The following ZNF438 variants were observed in gnomAD, a reference collection of about 807,000 sequenced individuals.
ZNF438 encodes zinc finger protein 438.
ZNF438 carries 25 observed loss-of-function variants against 38.0 expected under a neutral mutation model. The ratio of observed to expected loss-of-function variants is 0.66; its 90% CI spans 0.48 to 0.92. The LOEUF (loss-of-function observed/expected upper bound fraction) is 0.92, where lower values mean the gene tolerates loss of function less well. Ranked by LOEUF, ZNF438 falls within the 40% of genes least tolerant of loss-of-function variation. The pLI is 0.00. For synonymous variants in ZNF438, 372 were observed against 364.1 expected (o/e 1.02, Z -0.25); for missense variants, 1,007 against 999.6 (o/e 1.01, Z -0.10).
At chr10:30,928,476 A>G (rs1212214313) in intron 2 of ZNF438, among the ~76,000 whole-genome samples, 1 of 152,038 alleles carries the variant, frequency 6.6e-6, no homozygotes, top group Non-Finnish European at 1.5e-5. Flanking sequence ...CCAGTGGTAC[A>G]CTTATTTATA....
intron 1 of ZNF438, among the ~76,000 whole-genome samples, chr10:30,990,947 C>A (rs2053424826): frequency 6.6e-6 from 1 of 151,170 alleles, no homozygotes; most frequent in African/African-American, 2.4e-5. Context: ...CCAACAAAAA[C>A]AATTTAACTG....
At chr10:30,932,437 T>C (rs529790246) in intron 2 of ZNF438, among the ~76,000 whole-genome samples, 1 of 152,238 alleles carries the variant, frequency 6.6e-6, no homozygotes, top group South Asian at 2.1e-4. Flanking sequence ...TGCCAGGCAA[T>C]GTACTAAGTG....
At chr10:30,980,716 A>G (rs1422744662) in intron 1 of ZNF438, among the ~76,000 whole-genome samples, 1 of 152,218 alleles carries the variant, frequency 6.6e-6, no homozygotes, top group East Asian at 1.9e-4. Context: ...ATGGGATCAT[A>G]TGAGATCGTG....
intron 4 of ZNF438, among the ~76,000 whole-genome samples, chr10:30,865,975 C>T (rs1003480257): frequency 1.3e-5 from 2 of 152,264 alleles, no homozygotes; most frequent in African/African-American, 4.8e-5. Flanking sequence ...TGCCTTGTGT[C>T]GACATTTGCA....
At chr10:30,919,501 G>A (rs1308571070) in intron 2 of ZNF438, 1 of 152,170 alleles carries the variant, frequency 6.6e-6, no homozygotes, top group Non-Finnish European at 1.5e-5. Flanking sequence ...GGCCAGCGCT[G>A]AACCTACTTC....
chr10:30,894,160 GTTTA>G (rs1428761435), intron 3 of ZNF438, among the ~76,000 whole-genome samples: 1 of 152,142 alleles, frequency 6.6e-6, no homozygotes, highest in African/African-American at 2.4e-5. Flanking sequence ...TGTTACAGGG[GTTTA>G]TTTAAGAAGT....
In ZNF438 at chr10:30,845,304, G is replaced by C. The variant is rs1588698824; in HGVS notation, c.2144C>G (p.Ser715Cys). Residue 715 changes from serine (S) to cysteine (C), a missense_variant, in exon 6 of 6, where the codon TCC (serine) becomes TGC (cysteine). By Grantham distance (112) the Ser-to-Cys change is moderately radical. Coordinates refer to ENST00000413025, the Ensembl canonical transcript of ZNF438. The stretch of plus-strand genomic sequence containing the variant: ...ACATGCATGTGATTCCTCGGAGGAG[G>C]AATGAACCTTCTCCGGCTTCCCTCT... 1.9e-6 allele frequency: 3 copies of C among 1,614,116 alleles called. No homozygotes were observed. The East Asian group carries it at 6.7e-5, about 36-fold the overall frequency.
chr10:30,983,072 C>A (rs1200970888), intron 1 of ZNF438, among the ~76,000 whole-genome samples: 1 of 152,098 alleles, frequency 6.6e-6, no homozygotes, highest in Non-Finnish European at 1.5e-5. Flanking sequence ...CTAAACAATA[C>A]ACTAAAGAAA....
At chr10:30,914,216 A>G (rs1024234356) in intron 2 of ZNF438, among the ~76,000 whole-genome samples, 2 of 152,130 alleles carry the variant, frequency 1.3e-5, no homozygotes, top group Non-Finnish European at 2.9e-5. Context: ...TTAAATCAAA[A>G]AAGTTAAATC....
chr10:31,006,359 T>C (rs2132949862), intron 1 of ZNF438, among the ~76,000 whole-genome samples: 1 of 152,106 alleles, frequency 6.6e-6, no homozygotes, highest in East Asian at 1.9e-4. Context: ...CCAATGAAGC[T>C]TAAATAGAAA....
At chr10:30,938,187 A>C (rs996023074) in intron 2 of ZNF438, among the ~76,000 whole-genome samples, 1 of 151,298 alleles carries the variant, frequency 6.6e-6, no homozygotes, top group African/African-American at 2.4e-5. Context: ...TGAATTAACC[A>C]CTCTGCTCCG....
At chr10:30,854,215 G>A (rs1163822962) in intron 4 of ZNF438, among the ~76,000 whole-genome samples, 1 of 152,186 alleles carries the variant, frequency 6.6e-6, no homozygotes, top group Non-Finnish European at 1.5e-5. Context: ...AGCTACTCGG[G>A]AGGCTGAGGA....
intron 4 of ZNF438, among the ~76,000 whole-genome samples, chr10:30,863,692 C>G (rs1298676454): frequency 6.6e-6 from 1 of 152,218 alleles, no homozygotes; most frequent in Non-Finnish European, 1.5e-5. Context: ...TGCCCCGAGG[C>G]TATGTGTGCC....
chr10:30,945,592 C>T (rs1348974415), intron 1 of ZNF438, among the ~76,000 whole-genome samples: 1 of 147,948 alleles, frequency 6.8e-6, no homozygotes, highest in Non-Finnish European at 1.5e-5. Flanking sequence ...GTGATATTCC[C>T]CTTCCTGTGT....
rs1335895033 is a variant in ZNF438 at position 30,961,227 on chromosome 10, T to TA, written c.-191-19577dup. 3.9e-5 allele frequency among the ~76,000 whole-genome samples: 5 copies of TA among 129,336 alleles called. 1 individual carries two copies. The highest frequency in any genetic ancestry group is 2.5e-4 in the Admixed American group (3 of 12,232). 84.8% of individuals were successfully genotyped at this position (129,336 alleles called of 152,430 possible). Reference sequence around the variant, plus strand: ...CAATGCGCACATGTACCCTAAAACTTAGAGTATAATAAATAAAAAAAAAAA... The same window carrying TA: ...CAATGCGCACATGTACCCTAAAACTTAAGAGTATAATAAATAAAAAAAAAAA... On this transcript the variant is annotated intron_variant, in intron 1 of 5. Transcript: ENST00000413025.
intron 1 of ZNF438, among the ~76,000 whole-genome samples, chr10:30,953,551 A>G (rs889019457): frequency 1.3e-5 from 2 of 151,732 alleles, no homozygotes; most frequent in African/African-American, 4.8e-5. Context: ...GTATTGAGAA[A>G]TATTTCATAA....
intron 1 of ZNF438, among the ~76,000 whole-genome samples, chr10:31,019,170 G>A (rs1158049082): frequency 6.6e-6 from 1 of 152,288 alleles, no homozygotes; most frequent in East Asian, 1.9e-4. Flanking sequence ...GCACGGTTCA[G>A]ACAATGGCAC....
At chr10:31,000,597 G>T (rs1436754201) in intron 1 of ZNF438, among the ~76,000 whole-genome samples, 1 of 152,076 alleles carries the variant, frequency 6.6e-6, no homozygotes, top group Admixed American at 6.5e-5. Context: ...CTTCTTAGCT[G>T]ACCTCATTCC....
At chr10:30,876,943 A>G (rs1458527887) in intron 4 of ZNF438, 55 bp downstream of exon 5, 7 of 1,418,746 alleles carry the variant, frequency 4.9e-6, no homozygotes, top group Non-Finnish European at 6.8e-6. Context: ...CATTCAATGT[A>G]TCAAATTAAA....
Sources: gnomAD v4.1 joint callset for allele counts (sites outside exome capture counted in the v4.1 genomes callset) on GRCh38, gnomAD v4.1.1 for gene constraint, MANE v1.5 for transcripts, NCBI Gene and HGNC (gene_info 2026-07-23, HGNC 2026-07-21) for gene names.